Variants in LRP1B observed in about 807,000 individuals in gnomAD.
LRP1B encodes the protein LDL receptor related protein 1B, also known as low-density lipoprotein receptor-related protein 1B.
A neutral mutation model predicts 556.6 loss-of-function variants in LRP1B; 217 were observed. The ratio of observed to expected loss-of-function variants is 0.39; its 90% CI spans 0.35 to 0.44. The LOEUF (loss-of-function observed/expected upper bound fraction) is 0.44, where lower values mean the gene tolerates loss of function less well. Among genes scored for constraint, LRP1B ranks in the 20% least tolerant of loss-of-function variants. The probability of loss-of-function intolerance (pLI) is 1.00; values close to 1 mark genes in which losing one functional copy is unlikely to be tolerated. For synonymous variants in LRP1B, 2,047 were observed against 1,865.8 expected, an observed-to-expected ratio of 1.10 and a Z score of -2.50; for missense variants, 5,053 against 5,620.8, an observed-to-expected ratio of 0.90 and a Z score of 3.23.
At chr2:141,083,903 G>C (rs1699985481) in intron 7 of LRP1B, among the ~76,000 whole-genome samples, 1 of 152,130 alleles carries the variant, frequency 6.6e-6, no homozygotes, top group Non-Finnish European at 1.5e-5. Flanking sequence ...TTTATAACCA[G>C]TTTCAGGAAT....
At chr2:141,075,139 C>T (rs189820555) in intron 7 of LRP1B, among the ~76,000 whole-genome samples, 1 of 152,038 alleles carries the variant, frequency 6.6e-6, no homozygotes, top group African/African-American at 2.4e-5. Flanking sequence ...AATACTGTCC[C>T]CTGGGAGGAG....
chr2:140,980,738 T>C (rs1163239336), intron 18 of LRP1B, among the ~76,000 whole-genome samples: 2 of 152,192 alleles, frequency 1.3e-5, no homozygotes, highest in Non-Finnish European at 1.5e-5. Flanking sequence ...ATCCCAGTAC[T>C]GGGTATCTAC....
intron 71 of LRP1B, 83 bp downstream of exon 71, chr2:140,370,627 C>T (rs1162888891): frequency 1.3e-6 from 2 of 1,503,264 alleles, no homozygotes; most frequent in East Asian, 2.3e-5. Flanking sequence ...TATCCTCTGC[C>T]TCTAGCATAC....
chr2:140,641,195 T>C (rs1228863778), intron 41 of LRP1B, among the ~76,000 whole-genome samples: 1 of 152,218 alleles, frequency 6.6e-6, no homozygotes, highest in Non-Finnish European at 1.5e-5. Flanking sequence ...CTGTTCTTTT[T>C]ATGAAATTTA....
intron 6 of LRP1B, among the ~76,000 whole-genome samples, chr2:141,218,076 T>C (rs1227271503): frequency 1.3e-5 from 2 of 151,834 alleles, no homozygotes; most frequent in African/African-American, 2.4e-5. Flanking sequence ...CAAGTCAAAA[T>C]AACAGATGTT....
chr2:141,617,329 G>A (rs1163526663), intron 2 of LRP1B, among the ~76,000 whole-genome samples: 1 of 152,176 alleles, frequency 6.6e-6, no homozygotes, highest in Admixed American at 6.5e-5. Context: ...CTGTTGCTAT[G>A]TAAGTCAAAG....
At chr2:140,938,657 A>C (rs1695302132) in intron 20 of LRP1B, among the ~76,000 whole-genome samples, 6 of 152,092 alleles carry the variant, frequency 3.9e-5, no homozygotes, top group Admixed American at 3.9e-4. Flanking sequence ...CTTCAGCTGC[A>C]TAATCTTGGG....
chr2:141,306,103 A>C (rs1686577190), intron 3 of LRP1B, among the ~76,000 whole-genome samples: 1 of 152,052 alleles, frequency 6.6e-6, no homozygotes, highest in Non-Finnish European at 1.5e-5. Context: ...TAGCTTCGAA[A>C]AATAAGTTAT....
chr2:140,741,081 A>G (rs1688121550), intron 35 of LRP1B, among the ~76,000 whole-genome samples: 1 of 152,192 alleles, frequency 6.6e-6, no homozygotes, highest in Admixed American at 6.5e-5. Flanking sequence ...AACATTTCTA[A>G]GCAGAAACAA....
chr2:141,888,093 T>A (rs543101741), intron 1 of LRP1B, among the ~76,000 whole-genome samples: 1 of 152,142 alleles, frequency 6.6e-6, no homozygotes, highest in Admixed American at 6.5e-5. Flanking sequence ...CCTCCTTCCA[T>A]GAGGGTGGAA....
At chr2:141,526,795 G>C (rs1460315870) in intron 2 of LRP1B, among the ~76,000 whole-genome samples, 3 of 151,982 alleles carry the variant, frequency 2.0e-5, no homozygotes, top group African/African-American at 7.2e-5. Context: ...GAACAGTACT[G>C]CTAGTCTCTA....
chr2:141,641,709 C>A (rs530737467), intron 2 of LRP1B, among the ~76,000 whole-genome samples: 2 of 152,136 alleles, frequency 1.3e-5, no homozygotes, highest in South Asian at 4.1e-4. Context: ...TACCAGACTG[C>A]AAAAGATCCT....
At chr2:142,110,344 A>T (rs574074806) in intron 1 of LRP1B, among the ~76,000 whole-genome samples, 15 of 152,220 alleles carry the variant, frequency 9.9e-5, no homozygotes, top group South Asian at 2.1e-4. Context: ...GATAAAATTT[A>T]AAAAAAGCTA....
At chr2:141,210,176 A>G (rs1248078490) in intron 6 of LRP1B, among the ~76,000 whole-genome samples, 1 of 152,084 alleles carries the variant, frequency 6.6e-6, no homozygotes, top group Non-Finnish European at 1.5e-5. Context: ...AGTTTCAATG[A>G]TAAGTTTCCA....
At chr2:140,757,617 C>T (rs1298609180) in intron 35 of LRP1B, among the ~76,000 whole-genome samples, 1 of 152,172 alleles carries the variant, frequency 6.6e-6, no homozygotes, top group African/African-American at 2.4e-5. Flanking sequence ...TGCAGTGGCC[C>T]ACACCTGTGA....
chr2:140,877,768 T>C (rs1693354746), intron 25 of LRP1B, among the ~76,000 whole-genome samples: 1 of 152,198 alleles, frequency 6.6e-6, no homozygotes, highest in African/African-American at 2.4e-5. Context: ...ATGTTCATCT[T>C]ACATATGTGG....
chr2:141,575,841 A>C (rs562986254), intron 2 of LRP1B, among the ~76,000 whole-genome samples: 4 of 152,340 alleles, frequency 2.6e-5, no homozygotes, highest in Non-Finnish European at 5.9e-5. Context: ...CAACATGTGA[A>C]AAAAAGCTCA....
intron 2 of LRP1B, among the ~76,000 whole-genome samples, chr2:141,544,393 C>CTT (rs1685470753): frequency 4.8e-5 from 2 of 41,404 alleles, no homozygotes; most frequent in African/African-American, 1.6e-4. Context: ...TCCTCCTCCT[C>CTT]CTCCTCCTCC....
intron 3 of LRP1B, among the ~76,000 whole-genome samples, chr2:141,337,005 T>C (rs1018438422): frequency 6.6e-6 from 1 of 152,304 alleles, no homozygotes; most frequent in African/African-American, 2.4e-5. Flanking sequence ...TAAACATTCA[T>C]GTACAGGTTT....
Sources: gnomAD v4.1 joint callset for allele counts (sites outside exome capture counted in the v4.1 genomes callset) on GRCh38, gnomAD v4.1.1 for gene constraint, MANE v1.5 for transcripts, NCBI Gene and HGNC (gene_info 2026-07-23, HGNC 2026-07-21) for gene names.